LRRK2: variants seen among roughly 807,000 people sequenced by gnomAD.
LRRK2 encodes the protein leucine-rich repeat serine/threonine-protein kinase 2.
LRRK2 carries 203 observed loss-of-function variants against 302.6 expected under a neutral mutation model. The ratio of observed to expected loss-of-function variants is 0.67; its 90% CI spans 0.60 to 0.75. The LOEUF is 0.75. Ranked by LOEUF, LRRK2 falls within the 30% of genes least tolerant of loss-of-function variation. The probability of loss-of-function intolerance (pLI) is 0.00; values close to 1 mark genes in which losing one functional copy is unlikely to be tolerated. For synonymous variants in LRRK2, 1,066 were observed against 1,031.9 expected (o/e 1.03, Z -0.63); for missense variants, 2,830 against 2,951.0 (o/e 0.96, Z 0.95).
At chr12:40,302,564 T>G (rs960436893) in intron 25 of LRRK2, among the ~76,000 whole-genome samples, 1 of 152,182 alleles carries the variant, frequency 6.6e-6, no homozygotes, top group Non-Finnish European at 1.5e-5. Context: ...AATAGCTGTT[T>G]AGCTTCCAGG....
chr12:40,243,485 T>C (rs942877000), intron 6 of LRRK2, 65 bp from the exon 7 acceptor site: 8 of 1,572,746 alleles, frequency 5.1e-6, no homozygotes, highest in Non-Finnish European at 7.0e-6. Flanking sequence ...TAAGACGTCT[T>C]TGTATGCATA....
At chr12:40,264,772 A>G (rs1942935273) in intron 14 of LRRK2, among the ~76,000 whole-genome samples, 1 of 152,256 alleles carries the variant, frequency 6.6e-6, no homozygotes, top group Non-Finnish European at 1.5e-5. Flanking sequence ...TTCCTACATT[A>G]TAATTAAAGT....
intron 28 of LRRK2, among the ~76,000 whole-genome samples, chr12:40,307,462 C>A (rs932752690): frequency 1.3e-5 from 2 of 152,038 alleles, no homozygotes; most frequent in African/African-American, 4.8e-5. Context: ...ACTTCTATTT[C>A]ATTCAGGTTT....
intron 2 of LRRK2, 99 bp from the exon 3 acceptor site, chr12:40,232,175 A>G: frequency 1.2e-6 from 1 of 849,492 alleles, no homozygotes; most frequent in Non-Finnish European, 2.0e-6. Context: ...AAGTGAGATA[A>G]GCATCTATTC....
intron 11 of LRRK2, 117 bp from the exon 12 acceptor site, chr12:40,257,131 T>C (rs1942553474): frequency 2.8e-6 from 2 of 717,566 alleles, no homozygotes; most frequent in Non-Finnish European, 4.6e-6. Flanking sequence ...CTATAAATTA[T>C]GTGTGCTCTT....
intron 49 of LRRK2, 189 bp from the exon 50 acceptor site, chr12:40,366,817 A>C: frequency 1.9e-6 from 1 of 519,048 alleles, no homozygotes; most frequent in South Asian, 2.1e-5. Flanking sequence ...GGAGTGGATC[A>C]CAGATTTTGT....
At chr12:40,346,690 G>T (rs1180119174) in intron 41 of LRRK2, 63 bp from the exon 42 acceptor site, 8 of 1,474,826 alleles carry the variant, frequency 5.4e-6, no homozygotes, top group Non-Finnish European at 7.5e-6. Context: ...CTAAGTGTAT[G>T]CCTCCTTGGA....
At chr12:40,244,893 A>T (rs570228063) in intron 7 of LRRK2, among the ~76,000 whole-genome samples, 98 of 151,816 alleles carry the variant, frequency 6.5e-4, no homozygotes, top group Non-Finnish European at 8.5e-4. Context: ...TAATAATTTT[A>T]AAAAAAAGGA....
Position 40,225,000 on chromosome 12 carries a change from G to T in LRRK2, c.-132G>T, listed in dbSNP as rs201899998. The stretch of plus-strand genomic sequence containing the variant: ...ACAGGCGGGCGTGGGCGCCGATGGG[G>T]CCCGCGGGGAGCGCTGGCTGCGGGC... On this transcript the variant is annotated 5_prime_UTR_variant, in exon 1 of 51. Coordinates refer to ENST00000298910, the MANE Select transcript of LRRK2 (RefSeq NM_198578.4). 3 of 1,218,348 alleles carry T rather than the reference G, an allele frequency of 2.5e-6. No homozygotes were observed. The highest frequency in any genetic ancestry group is 1.2e-6 in the Non-Finnish European group (1 of 858,048). The allele number at this position is 1,218,348 out of a possible 1,614,324, so 75.5% of individuals were successfully genotyped here.
chr12:40,313,201 T>C (rs1246292067), intron 31 of LRRK2, among the ~76,000 whole-genome samples: 1 of 152,072 alleles, frequency 6.6e-6, no homozygotes, highest in African/African-American at 2.4e-5. Context: ...TTAACGGCAC[T>C]CTGGATATTA....
At chr12:40,244,363 G>T (rs1941877133) in intron 7 of LRRK2, among the ~76,000 whole-genome samples, 1 of 151,960 alleles carries the variant, frequency 6.6e-6, no homozygotes, top group Admixed American at 6.6e-5. Context: ...GTTGCATGTA[G>T]TATTCTATTA....
intron 10 of LRRK2, among the ~76,000 whole-genome samples, chr12:40,252,480 A>T (rs1389518081): frequency 2.6e-5 from 4 of 152,166 alleles, no homozygotes; most frequent in Admixed American, 2.6e-4. Flanking sequence ...AGTTCATAGG[A>T]TACCTATTTT....
chr12:40,328,359 G>C lies in LRRK2; in HGVS notation c.5657-1G>C. The C allele has an allele frequency of 6.2e-7, 1 of 1,613,128 alleles. No individual in the cohort carries two copies. The highest frequency in any genetic ancestry group is 8.5e-7 in the Non-Finnish European group (1 of 1,179,286). ...AGTGCTTTGTATTTTCTTTTCAAAA[G>C]GTGATGGCAGTTTTGGATCAGTTTA... On this transcript the variant is annotated splice_acceptor_variant, in intron 38 of 50. Transcript: ENST00000298910. LOFTEE classifies it high-confidence loss of function.
At chr12:40,328,305 A>C in intron 38 of LRRK2, 55 bp from the exon 39 acceptor site, 2 of 1,298,522 alleles carry the variant, frequency 1.5e-6, no homozygotes, top group Non-Finnish European at 2.2e-6. Flanking sequence ...TAATTTATTT[A>C]GTTTTTTTCG....
chr12:40,353,765 C>T (rs1444426820), intron 44 of LRRK2, among the ~76,000 whole-genome samples: 2 of 152,248 alleles, frequency 1.3e-5, no homozygotes, highest in Admixed American at 6.5e-5. Context: ...GCAGATCACT[C>T]GCGGTTAGGA....
intron 11 of LRRK2, among the ~76,000 whole-genome samples, chr12:40,256,408 T>C (rs1942508878): frequency 6.6e-6 from 1 of 152,160 alleles, no homozygotes; most frequent in South Asian, 2.1e-4. Context: ...ATCATGCTAC[T>C]GCACTCCAGC....
At chr12:40,232,798 T>A (rs1362586886) in intron 3 of LRRK2, 1 of 163,312 alleles carries the variant, frequency 6.1e-6, no homozygotes, top group Non-Finnish European at 1.3e-5. Flanking sequence ...TGTTCTACTG[T>A]CTTTAAATAG....
intron 39 of LRRK2, 52 bp from the exon 40 acceptor site, chr12:40,334,915 G>C: frequency 6.3e-7 from 1 of 1,592,686 alleles, no homozygotes; most frequent in Non-Finnish European, 8.6e-7. Context: ...AAGGAGATAC[G>C]TGGGTAAAAC....
intron 31 of LRRK2, 105 bp from the exon 32 acceptor site, chr12:40,313,867 T>G: frequency 1.2e-6 from 1 of 818,920 alleles, no homozygotes; most frequent in South Asian, 1.6e-5. Flanking sequence ...TACTTCTGAA[T>G]AATATATCTG....
Sources: gnomAD v4.1 joint callset for allele counts (sites outside exome capture counted in the v4.1 genomes callset) on GRCh38, gnomAD v4.1.1 for gene constraint, MANE v1.5 for transcripts, NCBI Gene and HGNC (gene_info 2026-07-23, HGNC 2026-07-21) for gene names.